Variants in IL17RE observed in about 807,000 individuals in gnomAD.
IL17RE encodes interleukin-17 receptor E.
IL17RE carries 47 observed loss-of-function variants against 70.7 expected under a neutral mutation model. The observed-to-expected ratio is 0.67, with a 90% confidence interval of 0.53 to 0.85. IL17RE has a LOEUF of 0.85. Among genes scored for constraint, IL17RE ranks in the 40% least tolerant of loss-of-function variants. The probability of loss-of-function intolerance (pLI) is 0.00; values close to 1 mark genes in which losing one functional copy is unlikely to be tolerated. For synonymous variants in IL17RE, 372 were observed against 381.2 expected, an observed-to-expected ratio of 0.98 and a Z score of 0.28; for missense variants, 850 against 893.9, an observed-to-expected ratio of 0.95 and a Z score of 0.63.
chr3:9,912,731 G>A (rs1179115907), intron 12 of IL17RE, among the ~76,000 whole-genome samples: 1 of 152,210 alleles, frequency 6.6e-6, no homozygotes, highest in South Asian at 2.1e-4. Context: ...TCACGCTTAA[G>A]ATGGCCACAT....
At position 9,915,369 on chromosome 3, in the gene IL17RE, G is replaced by A. The variant is rs1224539141; in HGVS notation, c.1566G>A (p.Val522=). 2 of 1,367,862 alleles carry A rather than the reference G, an allele frequency of 1.5e-6. No homozygotes were observed. Among genetic ancestry groups the A allele is most frequent in the Non-Finnish European group, 1.9e-6 (2 of 1,070,244 alleles). 84.7% of individuals were successfully genotyped at this position (1,367,862 alleles called of 1,614,324 possible). A position where few individuals can be genotyped will look rare whatever the true frequency, so the allele number is the denominator to read the frequency against. ...LRAALGGGRD[V]IVDLWEGRHV... ...CAGCGCTGGGCGGCGGGCGCGACGT[G>A]ATCGTGGACCTGTGGGAGGGGAGGC... The change falls in exon 16 of 16, where the codon GTG becomes GTA. Residue 522 remains valine (V), a synonymous_variant. Coordinates refer to ENST00000383814, the MANE Select transcript of IL17RE (RefSeq NM_153480.2). The surrounding 1 kb of genome is among the most constrained non-coding windows in gnomAD (Gnocchi z 4.9).
chr3:9,912,580 A>C (rs1057167939), intron 12 of IL17RE, among the ~76,000 whole-genome samples: 5 of 152,214 alleles, frequency 3.3e-5, no homozygotes, highest in African/African-American at 9.6e-5. Context: ...CCTCAATACC[A>C]CAGCACCACG....
chr3:9,906,794 C>T lies in IL17RE; in HGVS notation c.455C>T (p.Ser152Phe), dbSNP rs1169964959. The T allele has an allele frequency of 2.5e-6, 4 of 1,614,168 alleles. No individual in the cohort carries two copies. The highest frequency in any genetic ancestry group is 3.4e-6 in the Non-Finnish European group (4 of 1,180,030). ...SPDISHKGLR[S>F]KRTQPSDPET... ...GACATCTCCCACAAGGGACTTCGCT[C>T]TAAAAGGACCCAACCTTCGGATCCA... is the stretch of plus-strand genomic sequence containing the variant. Residue 152 changes from serine to phenylalanine, a missense_variant, in exon 5 of 16, where the codon TCT becomes TTT. Ser to Phe is a radical substitution (Grantham distance 155). Coordinates refer to ENST00000383814, the MANE Select transcript of IL17RE (RefSeq NM_153480.2).
At chr3:9,914,434 G>C (rs758043881) in intron 13 of IL17RE, 114 bp from the exon 14 acceptor site, 32 of 1,536,962 alleles carry the variant, frequency 2.1e-5, no homozygotes, top group Non-Finnish European at 2.8e-5. Context: ...AACCCACCTG[G>C]GAAGAATTCC....
Position 9,911,053 on chromosome 3 carries a change from TC to T in IL17RE, c.978+18del, listed in dbSNP as rs758304768. On this transcript the variant is annotated intron_variant, in intron 9 of 15. Transcript: ENST00000383814. The stretch of plus-strand genomic sequence containing the variant: ...AGAGTCAGATGGGGTGAGGACAGGT[TC>T]CCCCAGGACCAGGGTGGGCAGGGCT... The T allele has an allele frequency of 5.0e-5, 81 of 1,613,722 alleles. No homozygotes were observed. Among genetic ancestry groups the T allele is most frequent in the Non-Finnish European group, 5.1e-5 (60 of 1,179,878 alleles).
Position 9,903,385 on chromosome 3 carries a change from C to T in IL17RE, c.133-12C>T, listed in dbSNP as rs751452869. On this transcript the variant is annotated splice_polypyrimidine_tract_variant and intron_variant, in intron 1 of 15. Transcript: ENST00000383814. Reference sequence around the variant, plus strand: ...CTTTCCTTTCTTTTCCCTACTGGGCCCTGTGCCTCAGGATGACAGTTTCAC... The same window carrying T: ...CTTTCCTTTCTTTTCCCTACTGGGCTCTGTGCCTCAGGATGACAGTTTCAC... 6.2e-7 allele frequency: 1 copy of T among 1,613,976 alleles called. No homozygotes were observed. Among genetic ancestry groups the T allele is most frequent in the Non-Finnish European group, 8.5e-7 (1 of 1,179,866 alleles).
At chr3:9,911,621 C>A in intron 12 of IL17RE, 24 bp downstream of exon 12, 2 of 1,601,098 alleles carry the variant, frequency 1.2e-6, no homozygotes, top group Non-Finnish European at 1.7e-6. Context: ...CCCACTAGGT[C>A]CTATTGCTCA....
intron 3 of IL17RE, among the ~76,000 whole-genome samples, chr3:9,904,485 A>C (rs1382595690): frequency 1.3e-5 from 2 of 152,182 alleles, no homozygotes; most frequent in African/African-American, 4.8e-5. Flanking sequence ...TACATTGCTT[A>C]AGAATTGGCA....
chr3:9,915,590 G>C lies in IL17RE; in HGVS notation c.1787G>C (p.Arg596Pro). Reference protein sequence around the residue: ...RPLLLLAYFSRLCAKGDIPPP... With the variant: ...RPLLLLAYFSPLCAKGDIPPP... ...CTGCTGCTGCTCGCTTACTTCAGTC[G>C]CCTCTGCGCCAAGGGCGACATCCCC... Residue 596 changes from arginine to proline, a missense_variant, in exon 16 of 16, where the codon CGC becomes CCC. Transcript: ENST00000383814. The surrounding 1 kb of genome is among the most constrained non-coding windows in gnomAD (Gnocchi z 4.9). The C allele has an allele frequency of 7.0e-7, 1 of 1,419,194 alleles. No individual in the cohort carries two copies. Among genetic ancestry groups the C allele is most frequent in the African/African-American group, 1.5e-5 (1 of 67,022 alleles). 87.9% of individuals were successfully genotyped at this position (1,419,194 alleles called of 1,614,324 possible).
intron 1 of IL17RE, 79 bp from the exon 2 acceptor site, chr3:9,903,318 C>G: frequency 6.6e-7 from 1 of 1,521,646 alleles, no homozygotes; most frequent in Non-Finnish European, 9.1e-7. Flanking sequence ...GAAGCAAAGA[C>G]CCCAGGAATG....
chr3:9,907,225 A>T, intron 6 of IL17RE, 125 bp downstream of exon 6: 1 of 1,229,102 alleles, frequency 8.1e-7, no homozygotes, highest in Non-Finnish European at 1.2e-6. Context: ...CCTCCTTACA[A>T]GCTGAAGGGT....
At chr3:9,904,290 G>A in intron 3 of IL17RE, 139 bp downstream of exon 3, 1 of 878,410 alleles carries the variant, frequency 1.1e-6, no homozygotes. Flanking sequence ...TCCTAAAATA[G>A]CACGCTATGA....
rs2125100776 is a variant in IL17RE at position 9,915,628 on chromosome 3, G to T, written c.1825G>T (p.Ala609Ser). 2 of 1,413,114 alleles carry T rather than the reference G, an allele frequency of 1.4e-6. No individual in the cohort carries two copies. The highest frequency in any genetic ancestry group is 1.8e-6 in the Non-Finnish European group (2 of 1,088,476). 87.5% of individuals were successfully genotyped at this position (1,413,114 alleles called of 1,614,324 possible). The part of the protein sequence containing the change: ...AKGDIPPPLR[A>S]LPRYRLLRDL... ...GGGCGACATCCCCCCGCCGCTGCGC[G>T]CCCTGCCGCGCTACCGCCTGCTGCG... Residue 609 changes from alanine (A) to serine (S), a missense_variant, in exon 16 of 16, where the codon GCC becomes TCC. Transcript: ENST00000383814. This position sits in a 1 kb window ranked among gnomAD's most constrained non-coding sequence, Gnocchi z 4.9.
chr3:9,905,674 G>C (rs545357920), intron 3 of IL17RE, among the ~76,000 whole-genome samples: 5 of 152,234 alleles, frequency 3.3e-5, no homozygotes, highest in Non-Finnish European at 7.4e-5. Flanking sequence ...CAAAAAATTA[G>C]CTGGGCGTGG....
At chr3:9,914,211 GA>G (rs2082957977) in intron 13 of IL17RE, among the ~76,000 whole-genome samples, 187 bp downstream of exon 13, 1 of 152,220 alleles carries the variant, frequency 6.6e-6, no homozygotes, top group Non-Finnish European at 1.5e-5. Flanking sequence ...TGAAAAATCA[GA>G]AAAACCTAGT....
chr3:9,910,663 C>T (rs556460704), intron 8 of IL17RE, among the ~76,000 whole-genome samples: 1 of 152,126 alleles, frequency 6.6e-6, no homozygotes, highest in African/African-American at 2.4e-5. Flanking sequence ...CCAGACTGGG[C>T]GACAGAGTGA....
chr3:9,904,950 C>G (rs2082718495), intron 3 of IL17RE, among the ~76,000 whole-genome samples: 1 of 151,126 alleles, frequency 6.6e-6, no homozygotes, highest in Non-Finnish European at 1.5e-5. Context: ...CAAAAATTAG[C>G]TGGATGTGGT....
chr3:9,910,718 G>C (rs1575489878), intron 8 of IL17RE, 147 bp from the exon 9 acceptor site: 2 of 644,958 alleles, frequency 3.1e-6, no homozygotes, highest in East Asian at 5.5e-5. Flanking sequence ...TAATGAAAGG[G>C]ATGCTCATTG....
intron 12 of IL17RE, 37 bp downstream of exon 12, chr3:9,911,634 G>A (rs1419009108): frequency 2.5e-6 from 4 of 1,578,612 alleles, no homozygotes; most frequent in African/African-American, 2.7e-5. Context: ...ATTGCTCAGA[G>A]CACAGCCCTC....
Sources: gnomAD v4.1 joint callset for allele counts (sites outside exome capture counted in the v4.1 genomes callset) on GRCh38, gnomAD v4.1.1 for gene constraint, Gnocchi (gnomAD v3.1) non-coding constraint, MANE v1.5 for transcripts, NCBI Gene and HGNC (gene_info 2026-07-23, HGNC 2026-07-21) for gene names.